Variants in IL16 observed in about 807,000 individuals in gnomAD.
IL16 encodes interleukin 16.
Under a neutral mutation model 110.1 loss-of-function variants are expected in IL16, and 67 were observed. The ratio of observed to expected loss-of-function variants is 0.61; its 90% CI spans 0.50 to 0.75. The LOEUF (loss-of-function observed/expected upper bound fraction) is 0.75, where lower values mean the gene tolerates loss of function less well. IL16 is among the 30% of genes least tolerant of loss of function. IL16 has a pLI of 0.00. For missense variants in IL16, 1,545 were observed against 1,655.0 expected (o/e 0.93, Z 1.15); for synonymous variants, 689 against 662.9 (o/e 1.04, Z -0.61).
intron 1 of IL16, among the ~76,000 whole-genome samples, chr15:81,200,874 C>T (rs138014381): frequency 6.6e-6 from 1 of 152,316 alleles, no homozygotes; most frequent in East Asian, 1.9e-4. Context: ...TCTGTACTTA[C>T]CTCCTCATAA....
At chr15:81,259,963 T>G in intron 3 of IL16, 83 bp downstream of exon 3, 2 of 868,036 alleles carry the variant, frequency 2.3e-6, no homozygotes, top group Non-Finnish European at 1.9e-6. Context: ...AGCGGCTCTC[T>G]TCTGGTCCAG....
intron 1 of IL16, among the ~76,000 whole-genome samples, chr15:81,191,000 T>G (rs977084458): frequency 1.3e-5 from 2 of 152,204 alleles, no homozygotes; most frequent in Non-Finnish European, 2.9e-5. Flanking sequence ...CTTACGAGAC[T>G]TTCCTGGAAC....
At chr15:81,210,319 T>C (rs1216461044) in intron 1 of IL16, among the ~76,000 whole-genome samples, 1 of 152,218 alleles carries the variant, frequency 6.6e-6, no homozygotes, top group African/African-American at 2.4e-5. Flanking sequence ...CTGTTCTTTT[T>C]GCTTAAAATT....
chr15:81,259,501 C>G (rs7163931), intron 2 of IL16, among the ~76,000 whole-genome samples: 37,409 of 152,078 alleles, frequency 0.25, 5,426 homozygotes, highest in African/African-American at 0.4. Context: ...AACTTGACAT[C>G]TAATAGCTGA....
At position 81,308,713 on chromosome 15, in the gene IL16, A is replaced by C. The variant is rs760618353; in HGVS notation, c.3914A>C (p.Lys1305Thr). ...CGGTTTGAAGCCTGGAACATCATCA[A>C]GGCACTGCCTGATGGACCTGTCACG... ...LTRFEAWNII[K>T]ALPDGPVTIV... is the part of the protein sequence containing the mutation. Residue 1305 changes from lysine (K) to threonine (T), a missense_variant, in exon 19 of 19, where the codon AAG becomes ACG. Lys to Thr is a moderately conservative substitution (Grantham distance 78, BLOSUM62 -1). Transcript: ENST00000683961. The C allele has an allele frequency of 6.2e-7, 1 of 1,613,954 alleles. No individual in the cohort carries two copies. The highest frequency in any genetic ancestry group is 1.7e-5 in the Admixed American group (1 of 60,032).
At chr15:81,258,886 T>C (rs555986415) in intron 2 of IL16, among the ~76,000 whole-genome samples, 10 of 152,286 alleles carry the variant, frequency 6.6e-5, no homozygotes, top group African/African-American at 2.4e-4. Context: ...AAGATCATTG[T>C]GGATAACAAA....
chr15:81,291,970 A>C, intron 11 of IL16: 3 of 456,010 alleles, frequency 6.6e-6, no homozygotes, highest in Non-Finnish European at 1.3e-5. Flanking sequence ...TCTGAGATGG[A>C]GTTTGGTCTG....
chr15:81,263,194 T>C (rs1387827351), intron 3 of IL16, among the ~76,000 whole-genome samples: 1 of 152,210 alleles, frequency 6.6e-6, no homozygotes, highest in Non-Finnish European at 1.5e-5. Context: ...TCATGAAAGA[T>C]GAAGAAGTTA....
At chr15:81,290,422 T>C in intron 10 of IL16, 31 bp from the exon 11 acceptor site, 1 of 1,535,764 alleles carries the variant, frequency 6.5e-7, no homozygotes, top group Non-Finnish European at 9.0e-7. Context: ...GCTTCTACTG[T>C]TTGTTTGAGG....
chr15:81,220,403 C>T (rs992570475), intron 1 of IL16, among the ~76,000 whole-genome samples: 1 of 152,194 alleles, frequency 6.6e-6, no homozygotes, highest in Non-Finnish European at 1.5e-5. Context: ...AAATCACCCA[C>T]CTCGGCATCC....
At chr15:81,206,004 T>C (rs959403991) in intron 1 of IL16, among the ~76,000 whole-genome samples, 2 of 152,286 alleles carry the variant, frequency 1.3e-5, no homozygotes, top group Admixed American at 1.3e-4. Flanking sequence ...CGTCGAAATA[T>C]GTAAAACAAA....
intron 1 of IL16, among the ~76,000 whole-genome samples, chr15:81,218,953 T>C (rs887465809): frequency 6.6e-6 from 1 of 151,958 alleles, no homozygotes; most frequent in African/African-American, 2.4e-5. Flanking sequence ...TTTTAGTCCA[T>C]ACTACGTGCA....
chr15:81,196,737 C>A (rs530994943), upstream of IL16: 1 of 669,846 alleles, frequency 1.5e-6, no homozygotes, highest in Non-Finnish European at 1.9e-6. Flanking sequence ...GTGTTGCCGG[C>A]CAGCCCAGCA....
At chr15:81,248,598 C>T (rs1476536131) in intron 2 of IL16, among the ~76,000 whole-genome samples, 1 of 149,498 alleles carries the variant, frequency 6.7e-6, no homozygotes, top group Admixed American at 6.7e-5. Context: ...ATACTTATTC[C>T]ATTTTCCCTG....
In IL16 at chr15:81,270,458, T is replaced by A. The variant is rs548871494; in HGVS notation, c.675+810T>A. Among the ~76,000 whole-genome samples, 5 of 151,842 alleles carry A rather than the reference T, an allele frequency of 3.3e-5. No individual in the cohort carries two copies. The South Asian group carries it at 1.0e-3, about 32-fold the overall frequency. Reference sequence around the variant, plus strand: ...AGGGGGAGGGGCCCCACCATACACCTCAAGTCCTCTTTCCCTCCATCTCCT... The same window carrying A: ...AGGGGGAGGGGCCCCACCATACACCACAAGTCCTCTTTCCCTCCATCTCCT... On this transcript the variant is annotated intron_variant, in intron 5 of 18. Transcript: ENST00000683961.
chr15:81,300,516 C>G, intron 14 of IL16, 41 bp downstream of exon 14: 4 of 1,280,360 alleles, frequency 3.1e-6, no homozygotes, highest in Non-Finnish European at 4.4e-6. Context: ...CCTTTCTCAT[C>G]TTTTTCTTTC....
Position 81,290,477 on chromosome 15 carries a change from G to A in IL16, c.1357G>A (p.Ala453Thr). ...PQVSEQQLKEAVAQAVENTKF... is the reference protein window; with the variant it reads ...PQVSEQQLKETVAQAVENTKF... ...GGTCTCTGAACAGCAACTCAAAGAA[G>A]CTGTGGCCCAGGCTGTGGAAAACAC... Residue 453 changes from alanine to threonine, a missense_variant, in exon 11 of 19, where the codon GCT becomes ACT. Coordinates refer to ENST00000683961, the MANE Select transcript of IL16 (RefSeq NM_172217.5). The A allele has an allele frequency of 6.2e-7, 1 of 1,613,338 alleles. No homozygotes were observed.
At position 81,279,553 on chromosome 15, in the gene IL16, T is replaced by C; in HGVS notation, c.865-5T>C. 6.2e-7 allele frequency: 1 copy of C among 1,609,188 alleles called. No homozygotes were observed. The highest frequency in any genetic ancestry group is 8.5e-7 in the Non-Finnish European group (1 of 1,178,470). On this transcript the variant is annotated splice_polypyrimidine_tract_variant and splice_region_variant and intron_variant, in intron 7 of 18. Coordinates refer to ENST00000683961, the MANE Select transcript of IL16 (RefSeq NM_172217.5). The stretch of plus-strand genomic sequence containing the variant: ...GGGTGTTGTAGCCCTCTCTCTTTCT[T>C]TCAGCAAGCCAAAAAGGGGCTCCTC...
At chr15:81,187,328 TGGCTCA>T (rs1288703209) in intron 1 of IL16, among the ~76,000 whole-genome samples, 2 of 152,218 alleles carry the variant, frequency 1.3e-5, no homozygotes, top group African/African-American at 2.4e-5. Flanking sequence ...CTGGATGCAG[TGGCTCA>T]CATCCGTAAT....
Sources: gnomAD v4.1 joint callset for allele counts (sites outside exome capture counted in the v4.1 genomes callset) on GRCh38, gnomAD v4.1.1 for gene constraint, MANE v1.5 for transcripts, NCBI Gene and HGNC (gene_info 2026-07-23, HGNC 2026-07-21) for gene names.